Variants in TANC2 observed in about 807,000 individuals in gnomAD.
TANC2 encodes tetratricopeptide repeat, ankyrin repeat and coiled-coil containing 2, also known as protein TANC2.
A neutral mutation model predicts 210.5 loss-of-function variants in TANC2; 26 were observed. The observed-to-expected ratio is 0.12, with a 90% CI of 0.09 to 0.17. The LOEUF (loss-of-function observed/expected upper bound fraction) is 0.17. TANC2 is among the 10% of genes least tolerant of loss of function. The probability of loss-of-function intolerance (pLI) is 1.00; values close to 1 mark genes in which losing one functional copy is unlikely to be tolerated. For synonymous variants in TANC2, 931 were observed against 967.1 expected (o/e 0.96, Z 0.69); for missense variants, 2,129 against 2,608.9 (o/e 0.82, Z 4.01).
At chr17:63,010,670 T>C (rs1040545096) in intron 2 of TANC2, among the ~76,000 whole-genome samples, 1 of 152,178 alleles carries the variant, frequency 6.6e-6, no homozygotes, top group African/African-American at 2.4e-5. Flanking sequence ...TCTGTCCGAC[T>C]TGGCTACAAA....
intron 7 of TANC2, among the ~76,000 whole-genome samples, chr17:63,209,058 T>C (rs1490420145): frequency 6.6e-6 from 1 of 152,110 alleles, no homozygotes; most frequent in Non-Finnish European, 1.5e-5. Context: ...CAGGCTGGAG[T>C]GCAGTGTTGC....
At chr17:63,380,027 G>A (rs1257490397) in intron 15 of TANC2, among the ~76,000 whole-genome samples, 3 of 152,080 alleles carry the variant, frequency 2.0e-5, no homozygotes, top group Non-Finnish European at 2.9e-5. Flanking sequence ...TAACTGATAG[G>A]CTTTTCAGGA....
intron 4 of TANC2, among the ~76,000 whole-genome samples, chr17:63,102,742 T>C (rs1166727421): frequency 6.6e-6 from 1 of 152,090 alleles, no homozygotes. Flanking sequence ...TTGAATCTTG[T>C]TGGCATGTAT....
chr17:63,210,151 T>G (rs1331691232), intron 7 of TANC2, among the ~76,000 whole-genome samples: 1 of 152,214 alleles, frequency 6.6e-6, no homozygotes, highest in Non-Finnish European at 1.5e-5. Flanking sequence ...ATAAAATAGG[T>G]TGAGCTCATC....
At chr17:62,971,274 T>C (rs1259246700) in intron 1 of TANC2, among the ~76,000 whole-genome samples, 2 of 152,168 alleles carry the variant, frequency 1.3e-5, no homozygotes, top group Non-Finnish European at 2.9e-5. Context: ...AAAGAAGAGC[T>C]TAAAGACTAG....
At chr17:63,344,785 C>T (rs1167992062) in intron 12 of TANC2, among the ~76,000 whole-genome samples, 1 of 152,198 alleles carries the variant, frequency 6.6e-6, no homozygotes, top group Non-Finnish European at 1.5e-5. Flanking sequence ...ATAGTTCAAC[C>T]TGGGTCCCCT....
rs183051534 is a variant in TANC2, at chr17:63,331,618, C to T, written c.1576-8483C>T. Among the ~76,000 whole-genome samples, 178 of 152,284 alleles carry T rather than the reference C, an allele frequency of 1.2e-3. 1 individual carries two copies. The highest frequency in any genetic ancestry group is 4.1e-3 in the African/African-American group (171 of 41,560). ...AGCATTAGATCAGTAAAATAATCAA[C>T]AGAAATGCTTCCCACAAAAAGATCT... On this transcript the variant is annotated intron_variant, in intron 11 of 27. Coordinates refer to ENST00000689528, the Ensembl canonical transcript of TANC2.
At chr17:63,180,575 C>G (rs892124223) in intron 5 of TANC2, among the ~76,000 whole-genome samples, 1 of 152,128 alleles carries the variant, frequency 6.6e-6, no homozygotes, top group African/African-American at 2.4e-5. Context: ...TTTGCCTCAT[C>G]CTCCTCCAAT....
intron 1 of TANC2, among the ~76,000 whole-genome samples, chr17:63,001,467 A>G (rs1201865289): frequency 1.3e-5 from 2 of 151,340 alleles, no homozygotes; most frequent in Admixed American, 6.6e-5. Flanking sequence ...CCTACCATGA[A>G]CTAGGTGTTG....
chr17:63,133,110 A>T (rs1369248073), intron 4 of TANC2, among the ~76,000 whole-genome samples: 1 of 152,206 alleles, frequency 6.6e-6, no homozygotes, highest in African/African-American at 2.4e-5. Context: ...AGCAGCTGAG[A>T]TTACAGGTGT....
chr17:63,290,719 G>T (rs962986663), intron 9 of TANC2, among the ~76,000 whole-genome samples: 1 of 151,922 alleles, frequency 6.6e-6, no homozygotes. Flanking sequence ...ATCTAGTGCC[G>T]CTTACTCCAT....
At chr17:63,187,349 T>A (rs1345223968) in intron 5 of TANC2, among the ~76,000 whole-genome samples, 2 of 152,208 alleles carry the variant, frequency 1.3e-5, no homozygotes, top group Non-Finnish European at 2.9e-5. Flanking sequence ...TTGCCTACCT[T>A]GTAGGGCAGT....
chr17:63,351,251 G>C, exon 13 of TANC2: 2 of 1,601,850 alleles, frequency 1.2e-6, no homozygotes, highest in Non-Finnish European at 1.7e-6. Flanking sequence ...CTATCTCAGA[G>C]AGAAAAATCC....
intron 8 of TANC2, among the ~76,000 whole-genome samples, chr17:63,245,736 G>A (rs2042897817): frequency 6.6e-6 from 1 of 151,924 alleles, no homozygotes; most frequent in Non-Finnish European, 1.5e-5. Flanking sequence ...CAGCTACTCG[G>A]GAGGCTGAGG....
At chr17:63,023,463 C>T (rs760018944) in intron 2 of TANC2, among the ~76,000 whole-genome samples, 1 of 152,192 alleles carries the variant, frequency 6.6e-6, no homozygotes, top group South Asian at 2.1e-4. Flanking sequence ...ACTTCAGCCT[C>T]CCACGTAGCT....
At chr17:63,054,163 A>G (rs28758337) in intron 2 of TANC2, among the ~76,000 whole-genome samples, 4 of 152,102 alleles carry the variant, frequency 2.6e-5, no homozygotes, top group African/African-American at 9.7e-5. Context: ...TCATTGAATT[A>G]TTATTAGTAC....
intron 5 of TANC2, among the ~76,000 whole-genome samples, chr17:63,183,381 G>A (rs2040859550): frequency 6.6e-6 from 1 of 152,152 alleles, no homozygotes; most frequent in Admixed American, 6.5e-5. Context: ...CTATTTAGTA[G>A]TGCAAGATAT....
chr17:63,047,473 G>T (rs1365523482), intron 2 of TANC2, among the ~76,000 whole-genome samples: 1 of 152,114 alleles, frequency 6.6e-6, no homozygotes, highest in Non-Finnish European at 1.5e-5. Flanking sequence ...ATTTAGGAGA[G>T]AAAATCAGTA....
chr17:63,048,486 G>A (rs1389030369), intron 2 of TANC2, among the ~76,000 whole-genome samples: 1 of 152,110 alleles, frequency 6.6e-6, no homozygotes, highest in South Asian at 2.1e-4. Context: ...TGTATATGGT[G>A]TAAGGAAGGG....
Sources: gnomAD v4.1 joint callset for allele counts (sites outside exome capture counted in the v4.1 genomes callset) on GRCh38, gnomAD v4.1.1 for gene constraint, MANE v1.5 for transcripts, NCBI Gene and HGNC (gene_info 2026-07-23, HGNC 2026-07-21) for gene names.